FOXP2: variants seen among roughly 807,000 people sequenced by gnomAD.
FOXP2 encodes the protein forkhead box P2.
In FOXP2, 12 loss-of-function variants were observed where a neutral mutation model predicts 115.8. That is an observed-to-expected ratio of 0.10 (90% CI 0.07 to 0.17). FOXP2 has a LOEUF of 0.17. Among genes scored for constraint, FOXP2 ranks in the 10% least tolerant of loss-of-function variants. The pLI, the probability that FOXP2 is intolerant of heterozygous loss-of-function variation, is 1.00. For synonymous variants in FOXP2, 328 were observed against 297.7 expected, an observed-to-expected ratio of 1.10 and a Z score of -1.05; for missense variants, 629 against 843.5, an observed-to-expected ratio of 0.75 and a Z score of 3.15.
At chr7:114,425,242 A>C (rs576625869) in intron 1 of FOXP2, among the ~76,000 whole-genome samples, 1 of 151,598 alleles carries the variant, frequency 6.6e-6, no homozygotes, top group African/African-American at 2.4e-5. Context: ...GAAATCATGT[A>C]AAAAACAAAT....
intron 1 of FOXP2, among the ~76,000 whole-genome samples, chr7:114,201,240 A>G (rs976236661): frequency 9.2e-5 from 14 of 152,156 alleles, no homozygotes; most frequent in African/African-American, 3.1e-4. Context: ...GAAAGCCAAC[A>G]TAAGAGGATC....
At chr7:114,610,860 C>T (rs1192716930) in intron 3 of FOXP2, among the ~76,000 whole-genome samples, 1 of 151,890 alleles carries the variant, frequency 6.6e-6, no homozygotes, top group Non-Finnish European at 1.5e-5. Flanking sequence ...GTCTCAAACT[C>T]CTGGGCTCAA....
chr7:114,090,754 G>T (rs1799525399), intron 1 of FOXP2, among the ~76,000 whole-genome samples: 1 of 151,470 alleles, frequency 6.6e-6, no homozygotes, highest in South Asian at 2.1e-4. Context: ...AGTGTACTTG[G>T]ACTAAAGTCC....
intron 1 of FOXP2, among the ~76,000 whole-genome samples, chr7:114,250,752 G>T (rs1223386237): frequency 1.3e-5 from 2 of 152,136 alleles, no homozygotes; most frequent in African/African-American, 4.8e-5. Context: ...TAGGTTGCCT[G>T]TTCACTCTGA....
At chr7:114,403,596 G>A (rs1439080830) in intron 2 of FOXP2, among the ~76,000 whole-genome samples, 3 of 152,150 alleles carry the variant, frequency 2.0e-5, no homozygotes, top group Admixed American at 1.3e-4. Context: ...CTGTGGAATA[G>A]TCTATAAGAA....
chr7:114,171,476 G>A (rs536404549), intron 1 of FOXP2, among the ~76,000 whole-genome samples: 20 of 152,270 alleles, frequency 1.3e-4, no homozygotes, highest in African/African-American at 4.8e-4. Flanking sequence ...GGGAGGCTGA[G>A]GCAGGAGGAT....
At chr7:114,137,804 A>C (rs1349666095) in intron 1 of FOXP2, among the ~76,000 whole-genome samples, 3 of 152,196 alleles carry the variant, frequency 2.0e-5, no homozygotes, top group Non-Finnish European at 4.4e-5. Context: ...AAATGATTAC[A>C]TACAGCAATG....
chr7:114,680,302 G>A (rs754932937), intron 16 of FOXP2, among the ~76,000 whole-genome samples: 2 of 152,158 alleles, frequency 1.3e-5, no homozygotes, highest in Non-Finnish European at 2.9e-5. Context: ...CTATTTCATG[G>A]ATAGAACAAT....
intron 2 of FOXP2, among the ~76,000 whole-genome samples, chr7:114,531,276 T>C (rs750225401): frequency 6.6e-6 from 1 of 151,878 alleles, no homozygotes; most frequent in Non-Finnish European, 1.5e-5. Flanking sequence ...GGATTTAATA[T>C]TTTGTTTGTA....
At chr7:114,659,312 TG>T in intron 11 of FOXP2, 43 bp from the exon 12 acceptor site, 5 of 1,313,950 alleles carry the variant, frequency 3.8e-6, no homozygotes, top group Non-Finnish European at 5.5e-6. Flanking sequence ...TTATATATAA[TG>T]TGAATTATTA....
intron 6 of FOXP2, 128 bp from the exon 7 acceptor site, chr7:114,642,281 TG>T: frequency 1.4e-6 from 1 of 730,434 alleles, no homozygotes; most frequent in Non-Finnish European, 2.3e-6. Context: ...AGTGATTTTT[TG>T]TTGTATATTA....
intron 2 of FOXP2, among the ~76,000 whole-genome samples, chr7:114,306,122 A>G (rs1163346695): frequency 6.6e-6 from 1 of 152,158 alleles, no homozygotes; most frequent in East Asian, 1.9e-4. Context: ...AGGATTCTCA[A>G]TGTGTTATTA....
At chr7:114,102,137 C>A (rs116761621) in intron 1 of FOXP2, among the ~76,000 whole-genome samples, 1,594 of 152,022 alleles carry the variant, frequency 0.01, 33 homozygotes, top group African/African-American at 0.035. Context: ...AGCCATGTTT[C>A]TATACTGTTT....
chr7:114,374,828 A>G (rs1252298331), intron 2 of FOXP2, among the ~76,000 whole-genome samples: 1 of 152,198 alleles, frequency 6.6e-6, no homozygotes, highest in South Asian at 2.1e-4. Context: ...AACACTAACA[A>G]TACAAGACTC....
chr7:114,175,104 C>T (rs1452034315), intron 1 of FOXP2, among the ~76,000 whole-genome samples: 2 of 151,824 alleles, frequency 1.3e-5, no homozygotes, highest in Admixed American at 6.6e-5. Context: ...ATTACAAAAG[C>T]CTGATTTTAA....
chr7:114,209,097 T>C (rs1238710753), intron 1 of FOXP2, among the ~76,000 whole-genome samples: 1 of 152,204 alleles, frequency 6.6e-6, no homozygotes. Flanking sequence ...CAGATGGAGA[T>C]AATTGAATCA....
rs147835251 is a variant in FOXP2 at position 114,559,610 on chromosome 7, C to T, written c.258+24904C>T. Among the ~76,000 whole-genome samples the T allele has an allele frequency of 2.1e-3, 315 of 152,272 alleles. 4 individuals are homozygous for T. Among genetic ancestry groups the T allele is most frequent in the East Asian group, 0.019 (101 of 5,180 alleles). ...TAAACTATCTTATTTTGGCTGGGCG[C>T]GGTGGCTCACGCCTGTAATCCCAGC... On this transcript the variant is annotated intron_variant, in intron 3 of 16. Transcript: ENST00000350908.
chr7:114,329,861 G>A (rs959410645), intron 2 of FOXP2, among the ~76,000 whole-genome samples: 1 of 151,866 alleles, frequency 6.6e-6, no homozygotes, highest in African/African-American at 2.4e-5. Flanking sequence ...ATTTTTAGTA[G>A]AGAAGGGGTT....
intron 1 of FOXP2, among the ~76,000 whole-genome samples, chr7:114,209,504 A>C (rs1405035419): frequency 6.6e-6 from 1 of 152,040 alleles, no homozygotes; most frequent in African/African-American, 2.4e-5. Context: ...TAGGGTTTCT[A>C]TTGAAAGGTC....
Sources: allele counts gnomAD v4.1 joint callset (sites outside exome capture counted in the v4.1 genomes callset), GRCh38; gene constraint gnomAD v4.1.1; transcripts MANE v1.5; gene names NCBI Gene and HGNC (gene_info 2026-07-23, HGNC 2026-07-21).